Variants in PPM1L observed in about 807,000 individuals in gnomAD.
PPM1L encodes protein phosphatase, Mg2+/Mn2+ dependent 1L, also known as protein phosphatase 1L.
A neutral mutation model predicts 31.4 loss-of-function variants in PPM1L; 13 were observed. That is an observed-to-expected ratio of 0.41 (90% confidence interval 0.27 to 0.66). The LOEUF is 0.66. Ranked by LOEUF, PPM1L falls within the 30% of genes least tolerant of loss-of-function variation. The pLI is 0.29. For synonymous variants in PPM1L, 184 were observed against 175.4 expected (o/e 1.05, Z -0.39); for missense variants, 326 against 453.7 (o/e 0.72, Z 2.56).
intron 1 of PPM1L, among the ~76,000 whole-genome samples, chr3:160,768,942 A>G (rs539662697): frequency 8.5e-5 from 13 of 152,340 alleles, no homozygotes; most frequent in African/African-American, 3.1e-4. Flanking sequence ...GAACTGCTGC[A>G]GCCATCTTTG....
rs1432083425 is a variant in PPM1L, at chr3:161,038,229, G to A, written c.575-27174G>A. ...AGCCTGGGCGACAGAGCGAGACTCC[G>A]TCTCAAAAAAAAAAAAAAAAAAATG... On this transcript the variant is annotated intron_variant, in intron 2 of 3. Coordinates refer to ENST00000498165, the MANE Select transcript of PPM1L (RefSeq NM_139245.4). 2.7e-4 allele frequency among the ~76,000 whole-genome samples: 22 copies of A among 81,046 alleles called. 1 individual carries two copies. Among genetic ancestry groups the A allele is most frequent in the African/African-American group, 6.3e-4 (8 of 12,766 alleles). 53.2% of individuals were successfully genotyped at this position (81,046 alleles called of 152,430 possible). A position where few individuals can be genotyped will look rare whatever the true frequency, so the allele number is the denominator to read the frequency against.
intron 2 of PPM1L, among the ~76,000 whole-genome samples, chr3:161,019,184 CTGT>C (rs1229798767): frequency 3.9e-5 from 6 of 152,154 alleles, no homozygotes; most frequent in East Asian, 3.9e-4. Context: ...TCTGGGTTTG[CTGT>C]TGTTGTTGTT....
chr3:160,970,330 A>G (rs1441466424), intron 2 of PPM1L, among the ~76,000 whole-genome samples: 3 of 152,280 alleles, frequency 2.0e-5, no homozygotes, highest in East Asian at 3.9e-4. Flanking sequence ...AGAGGGGAGT[A>G]AAATGGGTAC....
intron 2 of PPM1L, among the ~76,000 whole-genome samples, chr3:161,047,605 C>T (rs1174788662): frequency 6.6e-6 from 1 of 152,092 alleles, no homozygotes; most frequent in Non-Finnish European, 1.5e-5. Flanking sequence ...TCATATGTAA[C>T]CAAAAAAGAG....
At chr3:160,933,746 T>C (rs973188658) in intron 1 of PPM1L, among the ~76,000 whole-genome samples, 1 of 152,160 alleles carries the variant, frequency 6.6e-6, no homozygotes, top group Non-Finnish European at 1.5e-5. Flanking sequence ...GCCTGGGGTA[T>C]AACCTTTCTT....
chr3:160,819,912 A>G (rs930823290), intron 1 of PPM1L, among the ~76,000 whole-genome samples: 5 of 152,072 alleles, frequency 3.3e-5, no homozygotes, highest in Non-Finnish European at 7.4e-5. Context: ...TGTTATTTAT[A>G]TACTAATAAT....
intron 2 of PPM1L, among the ~76,000 whole-genome samples, chr3:161,039,877 C>T (rs115549863): frequency 0.013 from 2,007 of 152,278 alleles, 38 homozygotes; most frequent in African/African-American, 0.045. Context: ...AGATAGAAAG[C>T]ATTGAAAGAA....
At chr3:160,944,312 T>C (rs1715254027) in intron 1 of PPM1L, among the ~76,000 whole-genome samples, 1 of 151,988 alleles carries the variant, frequency 6.6e-6, no homozygotes, top group African/African-American at 2.4e-5. Context: ...CAAATGACAG[T>C]TTTGAGAATC....
At chr3:160,791,205 T>A (rs1712096220) in intron 1 of PPM1L, among the ~76,000 whole-genome samples, 1 of 152,106 alleles carries the variant, frequency 6.6e-6, no homozygotes, top group Non-Finnish European at 1.5e-5. Flanking sequence ...AGACATAAAA[T>A]GAACAGTGGG....
intron 3 of PPM1L, among the ~76,000 whole-genome samples, chr3:161,067,377 G>C (rs7649954): frequency 0.2 from 30,932 of 152,098 alleles, 3,292 homozygotes; most frequent in East Asian, 0.3. Flanking sequence ...ACAGTGATTG[G>C]TTTTACCATC....
At chr3:160,788,558 T>C (rs1056160102) in intron 1 of PPM1L, among the ~76,000 whole-genome samples, 1 of 152,064 alleles carries the variant, frequency 6.6e-6, no homozygotes, top group Non-Finnish European at 1.5e-5. Flanking sequence ...TTATGGATTT[T>C]TTTTGTAGAT....
chr3:160,884,928 G>C (rs941506433), intron 1 of PPM1L, among the ~76,000 whole-genome samples: 18 of 152,190 alleles, frequency 1.2e-4, no homozygotes, highest in African/African-American at 4.1e-4. Context: ...AGAACCTTCT[G>C]TTGTTCCCTG....
At chr3:160,975,151 T>G (rs1020229857) in intron 2 of PPM1L, among the ~76,000 whole-genome samples, 2 of 152,216 alleles carry the variant, frequency 1.3e-5, no homozygotes, top group Non-Finnish European at 2.9e-5. Context: ...ATTGCTGGTT[T>G]TTCTCAGGTT....
At chr3:160,783,228 T>C (rs753376175) in intron 1 of PPM1L, among the ~76,000 whole-genome samples, 1 of 152,146 alleles carries the variant, frequency 6.6e-6, no homozygotes, top group African/African-American at 2.4e-5. Context: ...TGATGCTACA[T>C]CCTGCAGTTA....
intron 1 of PPM1L, among the ~76,000 whole-genome samples, chr3:160,880,659 T>A (rs895246591): frequency 5.3e-5 from 8 of 152,184 alleles, no homozygotes; most frequent in Admixed American, 2.0e-4. Context: ...GAATCCTTAC[T>A]TAAATTTCTG....
At chr3:160,790,371 G>T (rs530759386) in intron 1 of PPM1L, among the ~76,000 whole-genome samples, 3 of 152,210 alleles carry the variant, frequency 2.0e-5, no homozygotes, top group South Asian at 4.1e-4. Context: ...TAATTGTAAT[G>T]TATAAAAGTA....
chr3:160,776,259 A>G (rs1315257807), intron 1 of PPM1L, among the ~76,000 whole-genome samples: 3 of 152,160 alleles, frequency 2.0e-5, no homozygotes, highest in Non-Finnish European at 4.4e-5. Context: ...CTTAACAAGT[A>G]ACAGCAACAG....
chr3:160,991,362 G>A (rs1717129364), intron 2 of PPM1L, among the ~76,000 whole-genome samples: 1 of 152,080 alleles, frequency 6.6e-6, no homozygotes, highest in East Asian at 1.9e-4. Context: ...GTATTCTCAG[G>A]AAAAAGAAAG....
intron 2 of PPM1L, among the ~76,000 whole-genome samples, chr3:161,040,540 T>G (rs1356602154): frequency 6.6e-6 from 1 of 152,144 alleles, no homozygotes; most frequent in Non-Finnish European, 1.5e-5. Context: ...TCGAGCATGG[T>G]TATTTACTTT....
Sources: allele counts gnomAD v4.1 joint callset (sites outside exome capture counted in the v4.1 genomes callset), GRCh38; gene constraint gnomAD v4.1.1; transcripts MANE v1.5; gene names NCBI Gene and HGNC (gene_info 2026-07-23, HGNC 2026-07-21).